Variants in GRID1 observed in about 807,000 individuals in gnomAD.
The protein encoded by GRID1 is glutamate receptor ionotropic, delta-1.
GRID1 carries 28 observed loss-of-function variants against 98.0 expected under a neutral mutation model. The observed-to-expected ratio is 0.29, with a 90% confidence interval of 0.21 to 0.39. The LOEUF (loss-of-function observed/expected upper bound fraction) is 0.39. Among genes scored for constraint, GRID1 ranks in the 10% least tolerant of loss-of-function variants. GRID1 has a pLI of 1.00. For missense variants in GRID1, 1,111 were observed against 1,340.5 expected, an observed-to-expected ratio of 0.83 and a Z score of 2.67; for synonymous variants, 553 against 538.5, an observed-to-expected ratio of 1.03 and a Z score of -0.37.
intron 2 of GRID1, among the ~76,000 whole-genome samples, chr10:86,348,846 G>A (rs1848426027): frequency 1.3e-5 from 2 of 152,244 alleles, no homozygotes; most frequent in South Asian, 2.1e-4. Flanking sequence ...TTTCTTGGCA[G>A]GAGCTAAGTA....
intron 12 of GRID1, among the ~76,000 whole-genome samples, chr10:85,669,763 T>C (rs996150531): frequency 2.0e-5 from 3 of 152,292 alleles, no homozygotes; most frequent in African/African-American, 7.2e-5. Flanking sequence ...GGAAGCCACC[T>C]TTAATATTTT....
At chr10:85,629,811 A>G (rs570797999) in intron 13 of GRID1, among the ~76,000 whole-genome samples, 1 of 152,260 alleles carries the variant, frequency 6.6e-6, no homozygotes, top group African/African-American at 2.4e-5. Flanking sequence ...AGTTGTAGTA[A>G]TTTACACTCC....
chr10:86,294,902 G>C (rs1847565473), intron 2 of GRID1, among the ~76,000 whole-genome samples: 1 of 152,164 alleles, frequency 6.6e-6, no homozygotes, highest in Non-Finnish European at 1.5e-5. Flanking sequence ...GACTAGGAAG[G>C]TGCACCCGCC....
chr10:86,179,042 G>C (rs982749103), intron 3 of GRID1, among the ~76,000 whole-genome samples: 1 of 152,062 alleles, frequency 6.6e-6, no homozygotes, highest in African/African-American at 2.4e-5. Context: ...GCCAAGGATG[G>C]GATGGAATGC....
At chr10:85,675,190 C>A (rs141058656) in intron 12 of GRID1, among the ~76,000 whole-genome samples, 1 of 152,128 alleles carries the variant, frequency 6.6e-6, no homozygotes, top group Admixed American at 6.5e-5. Context: ...CTAGAAGATA[C>A]CTAGTGATGC....
At chr10:85,728,120 T>C (rs1841782967) in intron 9 of GRID1, 68 bp from the exon 10 acceptor site, 2 of 1,102,094 alleles carry the variant, frequency 1.8e-6, no homozygotes, top group South Asian at 2.5e-5. Flanking sequence ...TCCAGTGTAA[T>C]GTTAGAGAGA....
At chr10:86,232,121 G>C (rs1009008502) in intron 2 of GRID1, among the ~76,000 whole-genome samples, 1 of 152,140 alleles carries the variant, frequency 6.6e-6, no homozygotes, top group Non-Finnish European at 1.5e-5. Context: ...CCCTTTCCCT[G>C]TTTTCTCCTC....
chr10:85,987,620 C>T, intron 4 of GRID1, among the ~76,000 whole-genome samples: 1 of 149,736 alleles, frequency 6.7e-6, no homozygotes, highest in Non-Finnish European at 1.5e-5. Flanking sequence ...CCTACCCTTA[C>T]TTCCCCTGCA....
rs1011970399 is a variant in GRID1 at position 86,365,959 on chromosome 10, C to T, written c.79+355G>A. Among the ~76,000 whole-genome samples, 3 of 151,980 alleles carry T rather than the reference C, an allele frequency of 2.0e-5. No individual in the cohort carries two copies. The highest frequency in any genetic ancestry group is 7.2e-5 in the African/African-American group (3 of 41,456). On this transcript the variant is annotated intron_variant, in intron 1 of 15. Transcript: ENST00000327946. This position sits in a 1 kb window ranked among gnomAD's most constrained non-coding sequence, Gnocchi z 4.8. ...GAGCCCCCCGCTGTACCTCCCCCTG[C>T]CCCCCGCTGCTCTGAGCTGCGCAGA...
At chr10:86,290,062 A>T (rs1847491596) in intron 2 of GRID1, among the ~76,000 whole-genome samples, 1 of 152,258 alleles carries the variant, frequency 6.6e-6, no homozygotes, top group African/African-American at 2.4e-5. Flanking sequence ...AAGCTAGCCC[A>T]TCCTTGGACC....
chr10:85,910,024 C>T (rs1380869719), intron 5 of GRID1, among the ~76,000 whole-genome samples: 3 of 152,148 alleles, frequency 2.0e-5, no homozygotes, highest in Non-Finnish European at 2.9e-5. Flanking sequence ...AATGGCAACT[C>T]CTGGTCTTCA....
intron 2 of GRID1, among the ~76,000 whole-genome samples, chr10:86,264,105 C>T (rs114785978): frequency 0.011 from 1,725 of 152,194 alleles, 40 homozygotes; most frequent in African/African-American, 0.04. Flanking sequence ...TTGCCAGTCA[C>T]GCTGACCCAC....
At chr10:86,165,222 G>A (rs868103419) in intron 3 of GRID1, among the ~76,000 whole-genome samples, 9 of 152,218 alleles carry the variant, frequency 5.9e-5, no homozygotes, top group African/African-American at 2.2e-4. Context: ...CATCCTGGTG[G>A]TAGGAGGAGG....
intron 4 of GRID1, among the ~76,000 whole-genome samples, chr10:85,960,344 ACT>A (rs371985501): frequency 7.8e-4 from 118 of 152,224 alleles, no homozygotes; most frequent in African/African-American, 2.8e-3. Context: ...TTTTAACATC[ACT>A]CTGCCCACAC....
intron 12 of GRID1, among the ~76,000 whole-genome samples, chr10:85,719,882 TG>T (rs1227166627): frequency 2.0e-5 from 3 of 152,168 alleles, no homozygotes; most frequent in Non-Finnish European, 4.4e-5. Context: ...TAAGGATCTC[TG>T]GATAGACAAA....
intron 13 of GRID1, among the ~76,000 whole-genome samples, chr10:85,632,807 T>A (rs2132536654): frequency 6.6e-6 from 1 of 152,320 alleles, no homozygotes; most frequent in Middle Eastern, 3.4e-3. Flanking sequence ...CCATGGTGGT[T>A]TGCCACACCT....
chr10:85,791,697 G>C (rs1386666645), intron 8 of GRID1, among the ~76,000 whole-genome samples: 1 of 152,088 alleles, frequency 6.6e-6, no homozygotes, highest in Non-Finnish European at 1.5e-5. Context: ...ATCTCTTAGG[G>C]GAAAAAAGAT....
chr10:85,993,345 C>T (rs187570407), intron 4 of GRID1, among the ~76,000 whole-genome samples: 19 of 152,298 alleles, frequency 1.2e-4, no homozygotes, highest in African/African-American at 2.9e-4. Flanking sequence ...TCTAATTCTC[C>T]GATCAATGGT....
chr10:85,876,797 G>A (rs774890237), intron 5 of GRID1, among the ~76,000 whole-genome samples: 1 of 152,206 alleles, frequency 6.6e-6, no homozygotes, highest in African/African-American at 2.4e-5. Context: ...AGCCGAAGGA[G>A]GGCGAGGCAT....
Sources: allele counts gnomAD v4.1 joint callset (sites outside exome capture counted in the v4.1 genomes callset), GRCh38; gene constraint gnomAD v4.1.1; non-coding constraint Gnocchi (gnomAD v3.1); transcripts MANE v1.5; gene names NCBI Gene and HGNC (gene_info 2026-07-23, HGNC 2026-07-21).